The following ABTB3 variants were observed in gnomAD, a reference collection of about 807,000 sequenced individuals.
ABTB3 encodes ankyrin repeat and BTB domain containing 3.
the ABTB3 span, among the ~76,000 whole-genome samples, chr12:107,534,932 A>G: frequency 1.3e-5 from 2 of 152,202 alleles, no homozygotes; most frequent in African/African-American, 4.8e-5. Context: ...AATTCTTCCT[A>G]ACTCATTCTA....
the ABTB3 span, among the ~76,000 whole-genome samples, chr12:107,447,701 A>G: frequency 2.6e-5 from 4 of 152,212 alleles, no homozygotes; most frequent in Non-Finnish European, 5.9e-5. Flanking sequence ...CCTACGACAG[A>G]GCTCACAGGT....
the ABTB3 span, among the ~76,000 whole-genome samples, chr12:107,359,142 A>T: frequency 3.3e-5 from 5 of 152,342 alleles, no homozygotes; most frequent in Admixed American, 2.6e-4. Flanking sequence ...CTAATAAAAA[A>T]AGTCAGACGT....
chr12:107,416,168 A>T, the ABTB3 span, among the ~76,000 whole-genome samples: 3 of 152,178 alleles, frequency 2.0e-5, no homozygotes, highest in Admixed American at 1.3e-4. Flanking sequence ...CCCAGAATCC[A>T]AGGAAAGGTG....
the ABTB3 span, among the ~76,000 whole-genome samples, chr12:107,432,274 C>T: frequency 6.6e-6 from 1 of 152,152 alleles, no homozygotes; most frequent in East Asian, 1.9e-4. Context: ...CCTGAGGACA[C>T]TGATGGAATT....
the ABTB3 span, among the ~76,000 whole-genome samples, chr12:107,448,961 A>G: frequency 6.6e-6 from 1 of 152,264 alleles, no homozygotes; most frequent in East Asian, 1.9e-4. Flanking sequence ...AATGAACCGA[A>G]GCAGCATCTG....
chr12:107,334,836 G>A, the ABTB3 span, among the ~76,000 whole-genome samples: 1 of 152,130 alleles, frequency 6.6e-6, no homozygotes, highest in Non-Finnish European at 1.5e-5. Context: ...AGGAGAACTG[G>A]GAATGTCCTA....
the ABTB3 span, chr12:107,520,725 C>A: frequency 6.6e-7 from 1 of 1,519,902 alleles, no homozygotes; most frequent in Non-Finnish European, 9.0e-7. Context: ...GCCAACCCCT[C>A]AGGGCACTAT....
chr12:107,639,058 G>A, the ABTB3 span, among the ~76,000 whole-genome samples: 32 of 152,342 alleles, frequency 2.1e-4, no homozygotes, highest in Non-Finnish European at 3.8e-4. Context: ...CTGACCAAGG[G>A]TGTCTGATCA....
the ABTB3 span, among the ~76,000 whole-genome samples, chr12:107,479,297 T>C: frequency 3.3e-5 from 5 of 152,006 alleles, no homozygotes; most frequent in African/African-American, 4.8e-5. Context: ...GTCTCTCTTC[T>C]AAGAGACATC....
At chr12:107,525,635 C>A in the ABTB3 span, among the ~76,000 whole-genome samples, 1 of 152,172 alleles carries the variant, frequency 6.6e-6, no homozygotes, top group Admixed American at 6.5e-5. Context: ...AGAACCCATC[C>A]CTGTTGTGAA....
the ABTB3 span, among the ~76,000 whole-genome samples, chr12:107,542,413 C>G: frequency 6.6e-6 from 1 of 151,892 alleles, no homozygotes; most frequent in African/African-American, 2.4e-5. Context: ...TAGGACAGGG[C>G]AAGTGCATTA....
At chr12:107,574,714 AAAAG>A in the ABTB3 span, among the ~76,000 whole-genome samples, 5 of 152,338 alleles carry the variant, frequency 3.3e-5, no homozygotes, top group South Asian at 2.1e-4. Context: ...ATAAAAAAGA[AAAAG>A]AAAGGAAGAA....
the ABTB3 span, among the ~76,000 whole-genome samples, chr12:107,383,336 C>T: frequency 3.1e-4 from 47 of 152,132 alleles, no homozygotes; most frequent in African/African-American, 8.7e-4. Context: ...GTGTGTGTGC[C>T]GCATTTTGAG....
chr12:107,333,040 G>A, the ABTB3 span, among the ~76,000 whole-genome samples: 2 of 152,288 alleles, frequency 1.3e-5, no homozygotes, highest in Admixed American at 6.5e-5. Flanking sequence ...TTCAGCCCAC[G>A]GTTGTTAAGG....
the ABTB3 span, among the ~76,000 whole-genome samples, chr12:107,469,960 CT>C: frequency 1.5e-5 from 1 of 68,578 alleles, no homozygotes; most frequent in African/African-American, 9.4e-5. Flanking sequence ...TTCTTTCTTT[CT>C]TTCTTTCTTT....
chr12:107,438,005 G>A, the ABTB3 span, among the ~76,000 whole-genome samples: 4 of 152,092 alleles, frequency 2.6e-5, no homozygotes, highest in Non-Finnish European at 5.9e-5. Context: ...AGACTGATTT[G>A]CATTTTGCCT....
the ABTB3 span, among the ~76,000 whole-genome samples, chr12:107,451,532 T>C: frequency 6.6e-6 from 1 of 152,148 alleles, no homozygotes; most frequent in Non-Finnish European, 1.5e-5. Context: ...ACAGACCATG[T>C]CTCACTTAAA....
At chr12:107,520,578 G>T in the ABTB3 span, 2 of 1,614,216 alleles carry the variant, frequency 1.2e-6, no homozygotes, top group Non-Finnish European at 1.7e-6. Context: ...GCCAGTCGGA[G>T]CTGAGGACCA....
chr12:107,620,286 A>C, the ABTB3 span: 4 of 1,304,098 alleles, frequency 3.1e-6, no homozygotes, highest in East Asian at 7.0e-5. Context: ...CATAGCGACC[A>C]GTGGCGAATG....
Sources: gnomAD v4.1 joint callset for allele counts (sites outside exome capture counted in the v4.1 genomes callset) on GRCh38, gnomAD v4.1.1 for gene constraint, MANE v1.5 for transcripts, NCBI Gene and HGNC (gene_info 2026-07-23, HGNC 2026-07-21) for gene names.